Variants in UTS2 observed in about 807,000 individuals in gnomAD.
UTS2 encodes urotensin 2, also known as urotensin-2.
Under a neutral mutation model 12.6 loss-of-function variants are expected in UTS2, and 10 were observed. The observed-to-expected ratio is 0.80, with a 90% CI of 0.49 to 1.35. The LOEUF (loss-of-function observed/expected upper bound fraction) is 1.35. Among genes scored for constraint, UTS2 ranks in the 40% most tolerant of loss-of-function variants. The pLI is 0.00. For synonymous variants in UTS2, 52 were observed against 50.0 expected, an observed-to-expected ratio of 1.04 and a Z score of -0.17; for missense variants, 142 against 143.2, an observed-to-expected ratio of 0.99 and a Z score of 0.04.
chr1:7,883,019 A>C, the UTS2 span, among the ~76,000 whole-genome samples: 19 of 152,214 alleles, frequency 1.2e-4, no homozygotes, highest in African/African-American at 2.7e-4. Context: ...TCAAAAAAAA[A>C]CTGAAAAACT....
chr1:7,863,969 G>C, the UTS2 span, among the ~76,000 whole-genome samples: 1 of 152,208 alleles, frequency 6.6e-6, no homozygotes, highest in Non-Finnish European at 1.5e-5. Flanking sequence ...CCCCCGGGGG[G>C]GTCTGCCCGG....
the UTS2 span, among the ~76,000 whole-genome samples, chr1:7,863,017 TGTATTGTATTGTATTG>T: frequency 4.3e-5 from 1 of 23,434 alleles, no homozygotes; most frequent in African/African-American, 1.3e-4. Context: ...TGTATTGTAT[TGTATTGTATTGTATTG>T]TATTGTATTG....
At chr1:7,890,969 C>T in the UTS2 span, among the ~76,000 whole-genome samples, 1 of 44,238 alleles carries the variant, frequency 2.3e-5, no homozygotes, top group Non-Finnish European at 5.0e-5. Context: ...TACCCTCCAC[C>T]CCCCCCCACA....
At chr1:7,862,839 C>A in the UTS2 span, among the ~76,000 whole-genome samples, 2 of 152,156 alleles carry the variant, frequency 1.3e-5, no homozygotes, top group Non-Finnish European at 2.9e-5. Flanking sequence ...TACAGCGGGA[C>A]CTTTGCACTG....
chr1:7,904,069 T>A, the UTS2 span, among the ~76,000 whole-genome samples: 1 of 152,152 alleles, frequency 6.6e-6, no homozygotes, highest in South Asian at 2.1e-4. Context: ...TAGAATAATT[T>A]TTTAAAAATA....
At chr1:7,853,519 C>T (rs2097416326), upstream of UTS2, 24 of 1,514,836 alleles carry the variant, frequency 1.6e-5, no homozygotes, top group Middle Eastern at 1.8e-4. Context: ...TGGATTAAAA[C>T]GTAAAACCAG....
upstream of UTS2, chr1:7,853,400 C>T: frequency 6.2e-7 from 1 of 1,614,120 alleles, no homozygotes; most frequent in Non-Finnish European, 8.5e-7. Context: ...AGAAGTGACG[C>T]AGAGCATAAG....
chr1:7,868,104 G>A, the UTS2 span, among the ~76,000 whole-genome samples: 19 of 141,178 alleles, frequency 1.3e-4, no homozygotes, highest in African/African-American at 4.0e-4. Context: ...TCCTGAACAC[G>A]AATGCACAGT....
the UTS2 span, among the ~76,000 whole-genome samples, chr1:7,901,541 ATATG>A: frequency 3.3e-5 from 5 of 152,154 alleles, no homozygotes; most frequent in East Asian, 1.9e-4. Flanking sequence ...TGCTATATAC[ATATG>A]TATGTATGTA....
At chr1:7,902,821 A>C in the UTS2 span, among the ~76,000 whole-genome samples, 4 of 152,168 alleles carry the variant, frequency 2.6e-5, no homozygotes, top group African/African-American at 9.7e-5. Flanking sequence ...GAACCTCTTT[A>C]GCCATCTCCT....
At chr1:7,852,159 T>C (rs1222380792) in intron 1 of UTS2, among the ~76,000 whole-genome samples, 1 of 152,150 alleles carries the variant, frequency 6.6e-6, no homozygotes, top group Admixed American at 6.6e-5. Context: ...TTTGTTTTTT[T>C]TCTTTATTTA....
upstream of UTS2, among the ~76,000 whole-genome samples, chr1:7,853,825 G>A (rs1638235410): frequency 6.6e-6 from 1 of 152,230 alleles, no homozygotes; most frequent in Non-Finnish European, 1.5e-5. Flanking sequence ...CCTGAAGTCT[G>A]CCTTCGGGCC....
chr1:7,912,839 T>C, the UTS2 span, among the ~76,000 whole-genome samples: 1 of 151,954 alleles, frequency 6.6e-6, no homozygotes, highest in African/African-American at 2.4e-5. Context: ...AGCAGTCCCC[T>C]CTGCAGTATT....
the UTS2 span, among the ~76,000 whole-genome samples, chr1:7,909,558 A>G: frequency 2.6e-5 from 4 of 151,948 alleles, no homozygotes; most frequent in African/African-American, 7.2e-5. Flanking sequence ...AAAAAAAAAA[A>G]AAAAGAAAAA....
At chr1:7,863,443 C>T in the UTS2 span, among the ~76,000 whole-genome samples, 1 of 152,174 alleles carries the variant, frequency 6.6e-6, no homozygotes, top group South Asian at 2.1e-4. Context: ...AGCCTGCCGT[C>T]TTTTACCCCT....
chr1:7,854,653 G>T (rs1045319235), upstream of UTS2, among the ~76,000 whole-genome samples: 2 of 151,996 alleles, frequency 1.3e-5, no homozygotes, highest in African/African-American at 4.8e-5. Context: ...GAAAAAAATT[G>T]AGACAGGAGG....
chr1:7,857,095 G>A (rs1638327222), upstream of UTS2, among the ~76,000 whole-genome samples: 2 of 103,128 alleles, frequency 1.9e-5, no homozygotes, highest in South Asian at 6.9e-4. Context: ...AGGAAGGAAG[G>A]AAGAAAAGGA....
chr1:7,910,964 GCTAGT>G, the UTS2 span, among the ~76,000 whole-genome samples: 1 of 151,940 alleles, frequency 6.6e-6, no homozygotes, highest in African/African-American at 2.4e-5. Flanking sequence ...ACTTGCCCAG[GCTAGT>G]CGTGAATGCC....
chr1:7,873,006 C>A, the UTS2 span, among the ~76,000 whole-genome samples: 1 of 152,158 alleles, frequency 6.6e-6, no homozygotes, highest in Non-Finnish European at 1.5e-5. Flanking sequence ...TCCTAGGGCC[C>A]TTAAGAATTA....
Sources: gnomAD v4.1 joint callset for allele counts (sites outside exome capture counted in the v4.1 genomes callset) on GRCh38, gnomAD v4.1.1 for gene constraint, MANE v1.5 for transcripts, NCBI Gene and HGNC (gene_info 2026-07-23, HGNC 2026-07-21) for gene names.